The following ATP8A2 variants were observed in gnomAD, a reference collection of about 807,000 sequenced individuals.
ATP8A2 encodes phospholipid-transporting ATPase IB.
In ATP8A2, 100 loss-of-function variants were observed where a neutral mutation model predicts 165.6. That is an observed-to-expected ratio of 0.60 (90% CI 0.51 to 0.71). The LOEUF (loss-of-function observed/expected upper bound fraction) is 0.71. ATP8A2 is among the 30% of genes least tolerant of loss of function. The pLI, the probability that ATP8A2 is intolerant of heterozygous loss-of-function variation, is 0.00. For synonymous variants in ATP8A2, 543 were observed against 548.8 expected, an observed-to-expected ratio of 0.99 and a Z score of 0.15; for missense variants, 1,227 against 1,479.5, an observed-to-expected ratio of 0.83 and a Z score of 2.80.
intron 24 of ATP8A2, among the ~76,000 whole-genome samples, chr13:25,662,131 A>T (rs1244647512): frequency 6.6e-6 from 1 of 152,224 alleles, no homozygotes; most frequent in Non-Finnish European, 1.5e-5. Flanking sequence ...TAATAATAAC[A>T]TCTACCTCAT....
chr13:25,884,653 C>T (rs1953085425), intron 33 of ATP8A2, among the ~76,000 whole-genome samples: 2 of 152,312 alleles, frequency 1.3e-5, no homozygotes, highest in South Asian at 4.1e-4. Context: ...TGCAGGCAGT[C>T]CCCGCTGCTC....
chr13:25,379,348 GGAGT>G (rs2032753980), intron 1 of ATP8A2, among the ~76,000 whole-genome samples: 2 of 152,212 alleles, frequency 1.3e-5, no homozygotes, highest in African/African-American at 2.4e-5. Context: ...ACTACTCCAT[GGAGT>G]GAGTGAGTAC....
At chr13:25,891,713 A>G (rs1449401351) in intron 33 of ATP8A2, among the ~76,000 whole-genome samples, 1 of 151,986 alleles carries the variant, frequency 6.6e-6, no homozygotes. Context: ...GTTCTGACTG[A>G]TGTTGGAGGG....
At chr13:25,849,339 T>C (rs1332889258) in intron 30 of ATP8A2, among the ~76,000 whole-genome samples, 3 of 152,256 alleles carry the variant, frequency 2.0e-5, no homozygotes, top group African/African-American at 4.8e-5. Flanking sequence ...CTGACCACTA[T>C]GTTATAACAT....
In ATP8A2 at chr13:25,714,973, A is replaced by ATTTC. The variant is rs1427094345; in HGVS notation, c.2384+15629_2384+15630insTTCT. ...TAAGATCTCTGCTTGGACACTAGAA[A>ATTTC]TAGAAAAAAATATGTATGAAGAAGT... On this transcript the variant is annotated intron_variant, in intron 25 of 36. Coordinates refer to ENST00000381655, the MANE Select transcript of ATP8A2 (RefSeq NM_016529.6). Among the ~76,000 whole-genome samples, 6 of 152,352 alleles carry ATTTC rather than the reference A, an allele frequency of 3.9e-5. No individual in the cohort carries two copies. In the East Asian group the frequency reaches 9.6e-4, roughly 24 times the overall value.
At chr13:26,009,897 C>T (rs1200266102) in intron 35 of ATP8A2, among the ~76,000 whole-genome samples, 4 of 152,208 alleles carry the variant, frequency 2.6e-5, no homozygotes, top group African/African-American at 7.2e-5. Context: ...AAAACCCCAT[C>T]GCTACTAAAA....
chr13:25,555,977 C>T (rs996502214), intron 13 of ATP8A2, among the ~76,000 whole-genome samples: 4 of 152,108 alleles, frequency 2.6e-5, no homozygotes, highest in Non-Finnish European at 5.9e-5. Context: ...GCTATGTATT[C>T]CATGGTGTAT....
rs1251841562 is a variant in ATP8A2 at position 25,372,287 on chromosome 13, G to A, written c.75G>A (p.Val25=). The change falls in exon 1 of 37, where the codon GTG becomes GTA. Residue 25 remains valine (V), a splice_region_variant and synonymous_variant. Coordinates refer to ENST00000381655, the MANE Select transcript of ATP8A2 (RefSeq NM_016529.6). The surrounding 1 kb of genome is among the most constrained non-coding windows in gnomAD (Gnocchi z 4.8). ...GGAGGTCGAGGATCCGCTCGTCCGT[G>A]GGTGAGCTGGGAGGGGCGCGGCGAG... The part of the protein sequence containing the change: ...LPRRSRIRSS[V]GPVRSSLGYK... The A allele has an allele frequency of 2.7e-6, 4 of 1,476,448 alleles. No individual in the cohort carries two copies. The highest frequency in any genetic ancestry group is 3.6e-6 in the Non-Finnish European group (4 of 1,111,114). 91.5% of individuals were successfully genotyped at this position (1,476,448 alleles called of 1,614,324 possible).
chr13:25,680,845 G>C (rs2042471648), intron 24 of ATP8A2, among the ~76,000 whole-genome samples: 1 of 152,158 alleles, frequency 6.6e-6, no homozygotes, highest in Non-Finnish European at 1.5e-5. Flanking sequence ...GGTTTAGGTT[G>C]TACTTGGTGT....
intron 2 of ATP8A2, among the ~76,000 whole-genome samples, chr13:25,518,098 G>A (rs1319068854): frequency 1.3e-5 from 2 of 152,200 alleles, no homozygotes; most frequent in Non-Finnish European, 2.9e-5. Flanking sequence ...CCACTGGGAA[G>A]GGCTTTTGCA....
intron 33 of ATP8A2, among the ~76,000 whole-genome samples, chr13:25,919,396 A>G (rs138959614): frequency 1.4e-4 from 22 of 152,256 alleles, no homozygotes; most frequent in Admixed American, 3.9e-4. Flanking sequence ...TCAGATCTCC[A>G]CATCTGAGAG....
intron 25 of ATP8A2, among the ~76,000 whole-genome samples, chr13:25,745,376 A>G (rs539401656): frequency 2.0e-5 from 3 of 152,306 alleles, no homozygotes; most frequent in African/African-American, 7.2e-5. Flanking sequence ...GTTTGATGTC[A>G]ATGGGAAGTG....
At chr13:25,548,905 T>A (rs948761869) in intron 10 of ATP8A2, among the ~76,000 whole-genome samples, 1 of 152,216 alleles carries the variant, frequency 6.6e-6, no homozygotes, top group Non-Finnish European at 1.5e-5. Context: ...AATAACAATT[T>A]CAGTGATGTG....
chr13:25,682,166 G>C (rs2042503615), intron 24 of ATP8A2, among the ~76,000 whole-genome samples: 1 of 152,130 alleles, frequency 6.6e-6, no homozygotes, highest in Non-Finnish European at 1.5e-5. Flanking sequence ...TTTGTAGTAA[G>C]AAGTGCCATG....
Position 25,427,921 on chromosome 13 carries a change from G to T in ATP8A2, c.77-41056G>T, listed in dbSNP as rs144312066. ...AAAAAAAGAAAAAGCAAGTTGGCTG[G>T]GTGCGGTGGCTCATGCCTGTAATCC... On this transcript the variant is annotated intron_variant, in intron 1 of 36. Coordinates refer to ENST00000381655, the MANE Select transcript of ATP8A2 (RefSeq NM_016529.6). 8.5e-3 allele frequency among the ~76,000 whole-genome samples: 1,277 copies of T among 150,072 alleles called. 20 individuals are homozygous for T. Among genetic ancestry groups the T allele is most frequent in the African/African-American group, 0.029 (1,181 of 40,856 alleles).
chr13:25,537,813 A>C (rs17728392), intron 6 of ATP8A2, among the ~76,000 whole-genome samples, 175 bp from the exon 7 acceptor site: 10,331 of 152,272 alleles, frequency 0.068, 456 homozygotes, highest in African/African-American at 0.11. Context: ...CAGTGTCTGC[A>C]TGGAAGCACT....
At chr13:25,533,528 G>A (rs1426110338) in intron 6 of ATP8A2, among the ~76,000 whole-genome samples, 3 of 152,186 alleles carry the variant, frequency 2.0e-5, no homozygotes, top group African/African-American at 4.8e-5. Context: ...CCTGAGTGAC[G>A]TTTCTGAAAT....
intron 33 of ATP8A2, among the ~76,000 whole-genome samples, chr13:25,933,780 G>A (rs1397552153): frequency 6.6e-6 from 1 of 152,210 alleles, no homozygotes; most frequent in Non-Finnish European, 1.5e-5. Context: ...CTTACCCAGA[G>A]TACATTTCAA....
intron 18 of ATP8A2, 87 bp from the exon 19 acceptor site, chr13:25,574,721 A>G: frequency 3.7e-6 from 3 of 804,972 alleles, no homozygotes; most frequent in Admixed American, 3.6e-5. Flanking sequence ...GAGAGAGCAT[A>G]TATATGTCTG....
Sources: gnomAD v4.1 joint callset for allele counts (sites outside exome capture counted in the v4.1 genomes callset) on GRCh38, gnomAD v4.1.1 for gene constraint, Gnocchi (gnomAD v3.1) non-coding constraint, MANE v1.5 for transcripts, NCBI Gene and HGNC (gene_info 2026-07-23, HGNC 2026-07-21) for gene names.